The following DOP1B variants were observed in gnomAD, a reference collection of about 807,000 sequenced individuals.
DOP1B encodes the protein protein DOP1B.
DOP1B carries 174 observed loss-of-function variants against 233.5 expected under a neutral mutation model. That is an observed-to-expected ratio of 0.75 (90% CI 0.66 to 0.85). The LOEUF is 0.85. DOP1B is among the 40% of genes least tolerant of loss of function. The probability of loss-of-function intolerance (pLI) is 0.00; values close to 1 mark genes in which losing one functional copy is unlikely to be tolerated. For synonymous variants in DOP1B, 1,190 were observed against 1,185.6 expected, an observed-to-expected ratio of 1.00 and a Z score of -0.08; for missense variants, 2,652 against 2,846.6, an observed-to-expected ratio of 0.93 and a Z score of 1.56.
intron 27 of DOP1B, among the ~76,000 whole-genome samples, chr21:36,272,877 C>T (rs909950293): frequency 4.7e-5 from 7 of 149,082 alleles, no homozygotes; most frequent in Middle Eastern, 3.3e-3. Context: ...CCATCTACTC[C>T]GGAGGCTGAG....
intron 2 of DOP1B, among the ~76,000 whole-genome samples, chr21:36,184,854 G>A (rs151114290): frequency 2.0e-5 from 3 of 152,338 alleles, no homozygotes; most frequent in African/African-American, 7.2e-5. Flanking sequence ...CTGCTGTAGC[G>A]CTGAGGGTCA....
rs772813588 is a variant in DOP1B, at chr21:36,227,670, C to T, written c.1474-16C>T. 4.7e-6 allele frequency: 7 copies of T among 1,504,250 alleles called. No homozygotes were observed. The highest frequency in any genetic ancestry group is 4.5e-6 in the Non-Finnish European group (5 of 1,118,122). 93.2% of individuals were successfully genotyped at this position (1,504,250 alleles called of 1,614,324 possible). ...GAACCAACATTGTGGGGTTAACCTA[C>T]ACGTTTATTTCACAGGAACTTTACT... On this transcript the variant is annotated splice_polypyrimidine_tract_variant and intron_variant, in intron 12 of 36. Coordinates refer to ENST00000691173, the MANE Select transcript of DOP1B (RefSeq NM_001320714.2).
At chr21:36,219,118 G>A (rs553405104) in intron 9 of DOP1B, among the ~76,000 whole-genome samples, 70 of 152,254 alleles carry the variant, frequency 4.6e-4, no homozygotes, top group African/African-American at 1.6e-3. Flanking sequence ...GGTTTAATAC[G>A]TTAATAGATG....
intron 2 of DOP1B, chr21:36,170,036 A>T: frequency 1.4e-6 from 1 of 731,958 alleles, no homozygotes. Flanking sequence ...CCAGCCTTGT[A>T]TCCCAGGAAG....
At chr21:36,193,032 A>G (rs1274628934) in intron 2 of DOP1B, among the ~76,000 whole-genome samples, 2 of 152,120 alleles carry the variant, frequency 1.3e-5, no homozygotes, top group African/African-American at 2.4e-5. Flanking sequence ...TGTTTTATCT[A>G]AGAAAGAAGC....
At position 36,247,438 on chromosome 21, in the gene DOP1B, G is replaced by A. The variant is rs2066980065; in HGVS notation, c.4698-79G>A. On this transcript the variant is annotated intron_variant, in intron 19 of 36. Coordinates refer to ENST00000691173, the MANE Select transcript of DOP1B (RefSeq NM_001320714.2). ...ATGGTGATCTCTCCCTAGTTCCTGTGTTTATATATAGGATTAGAAACCCTT... is the reference window on the plus strand; with the variant it reads ...ATGGTGATCTCTCCCTAGTTCCTGTATTTATATATAGGATTAGAAACCCTT... 5 of 949,220 alleles carry A rather than the reference G, an allele frequency of 5.3e-6. No homozygotes were observed. The East Asian group carries it at 1.0e-4, about 20-fold the overall frequency. The allele number at this position is 949,220 out of a possible 1,614,324, so 58.8% of individuals were successfully genotyped here. A position where few individuals can be genotyped will look rare whatever the true frequency, so the allele number is the denominator to read the frequency against.
At chr21:36,218,691 T>C (rs1196661853) in intron 9 of DOP1B, among the ~76,000 whole-genome samples, 1 of 152,166 alleles carries the variant, frequency 6.6e-6, no homozygotes, top group South Asian at 2.1e-4. Flanking sequence ...TCTGAATTGA[T>C]TGTGTGTTTC....
At chr21:36,178,472 C>T (rs1016059221) in intron 2 of DOP1B, among the ~76,000 whole-genome samples, 2 of 150,986 alleles carry the variant, frequency 1.3e-5, no homozygotes, top group South Asian at 4.2e-4. Context: ...AGACAGACTT[C>T]CTCCCACCTC....
At chr21:36,182,006 G>A (rs2066104251) in intron 2 of DOP1B, among the ~76,000 whole-genome samples, 1 of 152,176 alleles carries the variant, frequency 6.6e-6, no homozygotes, top group African/African-American at 2.4e-5. Flanking sequence ...GTAAAGTATT[G>A]AATTGCTTTT....
rs2067417026 is a variant in DOP1B, at chr21:36,281,577, T to C, written c.6126T>C (p.Leu2042=). The C allele has an allele frequency of 6.2e-7, 1 of 1,606,784 alleles. No individual in the cohort carries two copies. The highest frequency in any genetic ancestry group is 1.3e-5 in the African/African-American group (1 of 74,852). The change falls in exon 32 of 37, where the codon CTT becomes CTC. Residue 2042 remains leucine, a synonymous_variant. Coordinates refer to ENST00000691173, the MANE Select transcript of DOP1B (RefSeq NM_001320714.2). The part of the protein sequence containing the change: ...RQAFAVFSGE[L]DQYHLYLPLI... ...CTTTTGCTGTCTTCAGTGGAGAACT[T>C]GATCAATACCACCTTTACCTTCCAC...
At chr21:36,258,357 A>G (rs975572479) in intron 23 of DOP1B, among the ~76,000 whole-genome samples, 2 of 152,214 alleles carry the variant, frequency 1.3e-5, no homozygotes, top group African/African-American at 4.8e-5. Context: ...CATTGAGTCA[A>G]GATCACGCCA....
rs768998188 is a variant in DOP1B, at chr21:36,210,129, G to GA, written c.681+1225_681+1226insA. On this transcript the variant is annotated intron_variant, in intron 5 of 36. Coordinates refer to ENST00000691173, the MANE Select transcript of DOP1B (RefSeq NM_001320714.2). ...TGTCTCTTACTCTTGGATCTGACTG[G>GA]TTTCTTCCCATCCCAAATCTGCTAA... Among the ~76,000 whole-genome samples, 1,442 of 152,070 alleles carry GA rather than the reference G, an allele frequency of 9.5e-3. 25 individuals carry two copies. The highest frequency in any genetic ancestry group is 0.032 in the African/African-American group (1,325 of 41,478).
Position 36,246,598 on chromosome 21 carries a change from C to A in DOP1B, c.4618C>A (p.Pro1540Thr), listed in dbSNP as rs150476018. ...AAAGTCCCTGGGCTGGACGGTGACA[C>A]CCTTTGTTGTCCAGATTTGCAAAAA... Reference protein sequence around the residue: ...FGKSLGWTVTPFVVQICKNLD... With the variant: ...FGKSLGWTVTTFVVQICKNLD... Residue 1540 changes from proline to threonine, a missense_variant, in exon 19 of 37, where the codon CCC becomes ACC. This residue lies in a region of DOP1B where 2,617 missense variants were observed against 2,794.3 expected (regional missense o/e 0.94). Transcript: ENST00000691173. This position sits in a 1 kb window ranked among gnomAD's most constrained non-coding sequence, Gnocchi z 5.1. The A allele has an allele frequency of 1.7e-4, 276 of 1,614,114 alleles. No homozygotes were observed. The highest frequency in any genetic ancestry group is 2.2e-4 in the Non-Finnish European group (258 of 1,180,050).
chr21:36,198,444 A>G (rs911166092), intron 2 of DOP1B, among the ~76,000 whole-genome samples: 4 of 145,692 alleles, frequency 2.7e-5, no homozygotes, highest in Non-Finnish European at 4.7e-5. Context: ...AAAAAAAAAG[A>G]AAAAAAAAGA....
At chr21:36,256,140 A>G (rs1181733330) in intron 23 of DOP1B, among the ~76,000 whole-genome samples, 3 of 152,228 alleles carry the variant, frequency 2.0e-5, no homozygotes, top group Admixed American at 6.5e-5. Context: ...GTTTAAAATC[A>G]TACAGTTAGC....
At chr21:36,190,499 G>A (rs2123451933) in intron 2 of DOP1B, among the ~76,000 whole-genome samples, 1 of 151,964 alleles carries the variant, frequency 6.6e-6, no homozygotes, top group South Asian at 2.1e-4. Context: ...CCGGGTTCAA[G>A]TGATCCTCCC....
At chr21:36,274,026 C>T (rs552365168) in intron 27 of DOP1B, among the ~76,000 whole-genome samples, 91 of 152,048 alleles carry the variant, frequency 6.0e-4, no homozygotes, top group African/African-American at 2.0e-3. Flanking sequence ...TGCAGTGAGC[C>T]GAGATCGCGC....
At chr21:36,255,857 C>T (rs777524803) in intron 23 of DOP1B, among the ~76,000 whole-genome samples, 3 of 152,132 alleles carry the variant, frequency 2.0e-5, no homozygotes, top group African/African-American at 4.8e-5. Flanking sequence ...GTCATTGAAC[C>T]GAGAAGTTCC....
chr21:36,274,349 C>T (rs941824905), intron 27 of DOP1B, among the ~76,000 whole-genome samples: 1 of 152,034 alleles, frequency 6.6e-6, no homozygotes. Flanking sequence ...GCTGATGGAT[C>T]GGATGTAGTT....
Sources: allele counts gnomAD v4.1 joint callset (sites outside exome capture counted in the v4.1 genomes callset), GRCh38; gene constraint gnomAD v4.1.1; regional missense constraint gnomAD v4.1.1; non-coding constraint Gnocchi (gnomAD v3.1); transcripts MANE v1.5; gene names NCBI Gene and HGNC (gene_info 2026-07-23, HGNC 2026-07-21).